Variants in RAB6A observed in about 807,000 individuals in gnomAD.
RAB6A encodes the protein RAB6A, member RAS oncogene family, also known as ras-related protein Rab-6A.
Under a neutral mutation model 32.3 loss-of-function variants are expected in RAB6A, and 8 were observed. The observed-to-expected ratio is 0.25, with a 90% CI of 0.15 to 0.45. RAB6A has a LOEUF of 0.45. RAB6A is among the 20% of genes least tolerant of loss of function. The pLI, the probability that RAB6A is intolerant of heterozygous loss-of-function variation, is 1.00. For synonymous variants in RAB6A, 73 were observed against 82.1 expected (o/e 0.89, Z 0.60); for missense variants, 104 against 249.4 (o/e 0.42, Z 3.93).
At chr11:73,728,704 G>A (rs1051446274) in intron 2 of RAB6A, among the ~76,000 whole-genome samples, 2 of 150,448 alleles carry the variant, frequency 1.3e-5, no homozygotes, top group African/African-American at 4.9e-5. Flanking sequence ...ATTCAGTTTG[G>A]TTGTATTTTA....
intron 1 of RAB6A, among the ~76,000 whole-genome samples, chr11:73,755,862 GGAA>G (rs1000577020): frequency 4.6e-5 from 5 of 109,156 alleles, no homozygotes; most frequent in South Asian, 2.8e-4. Flanking sequence ...AGGAGGAGGA[GGAA>G]GAAGAACAAG....
At chr11:73,730,735 A>G in intron 2 of RAB6A, 30 bp downstream of exon 2, 1 of 1,539,122 alleles carries the variant, frequency 6.5e-7, no homozygotes. Context: ...CAAAAAATAG[A>G]CAACAAATAA....
chr11:73,714,209 A>AAAAAATATATAT lies in RAB6A; in HGVS notation c.401+2041_401+2042insATATATATTTTT, dbSNP rs35864471. Among the ~76,000 whole-genome samples, 5 of 57,570 alleles carry AAAAAATATATAT rather than the reference A, an allele frequency of 8.7e-5. No homozygotes were observed. In the South Asian group the frequency reaches 3.2e-3, roughly 37 times the overall value. 37.8% of individuals were successfully genotyped at this position (57,570 alleles called of 152,430 possible). ...CTCCATCTCAAAAAAAAAAAAAAAA[A>AAAAAATATATAT]ATATATATATATATATATATACACA... On this transcript the variant is annotated intron_variant, in intron 5 of 7. Coordinates refer to ENST00000336083, the MANE Select transcript of RAB6A (RefSeq NM_198896.2).
intron 1 of RAB6A, among the ~76,000 whole-genome samples, chr11:73,744,704 C>T (rs573831628): frequency 1.2e-4 from 19 of 152,218 alleles, no homozygotes; most frequent in Non-Finnish European, 2.1e-4. Context: ...GGGCTGGGCG[C>T]GGTGGCTTAC....
intron 1 of RAB6A, among the ~76,000 whole-genome samples, chr11:73,741,477 C>T (rs760184499): frequency 1.3e-5 from 2 of 151,914 alleles, no homozygotes; most frequent in Non-Finnish European, 2.9e-5. Context: ...GACCATGCTC[C>T]TTGGTATTTA....
At chr11:73,728,250 G>A (rs993163631) in intron 2 of RAB6A, among the ~76,000 whole-genome samples, 6 of 152,120 alleles carry the variant, frequency 3.9e-5, no homozygotes, top group Non-Finnish European at 7.3e-5. Context: ...CTTAGAAAGC[G>A]TTCAGCCTTT....
chr11:73,689,337 T>C lies in RAB6A; in HGVS notation c.496-9617A>G, dbSNP rs193044745. On this transcript the variant is annotated intron_variant, in intron 6 of 7. Transcript: ENST00000336083. ...GAGTGTGCAACCTAGATCCCTCCAATGTGCAGTTCACAATAGTGTTCATGC... is the reference window on the plus strand; with the variant it reads ...GAGTGTGCAACCTAGATCCCTCCAACGTGCAGTTCACAATAGTGTTCATGC... Among the ~76,000 whole-genome samples, 3 of 152,264 alleles carry C rather than the reference T, an allele frequency of 2.0e-5. No individual in the cohort carries two copies. The East Asian group carries it at 5.8e-4, about 29-fold the overall frequency.
intron 1 of RAB6A, among the ~76,000 whole-genome samples, chr11:73,746,439 G>A (rs759485834): frequency 6.6e-6 from 1 of 151,912 alleles, no homozygotes; most frequent in Non-Finnish European, 1.5e-5. Context: ...GAGCCCAGGG[G>A]TTCAAAGTCA....
At position 73,751,102 on chromosome 11, in the gene RAB6A, C is replaced by T. The variant is rs189441755; in HGVS notation, c.70+9464G>A. Among the ~76,000 whole-genome samples, 38 of 152,194 alleles carry T rather than the reference C, an allele frequency of 2.5e-4. 1 individual carries two copies. The highest frequency in any genetic ancestry group is 8.4e-4 in the African/African-American group (35 of 41,530). On this transcript the variant is annotated intron_variant, in intron 1 of 7. Coordinates refer to ENST00000336083, the MANE Select transcript of RAB6A (RefSeq NM_198896.2). ...TTACAGGTGTGAGTCACCATGCCCC[C>T]CGGCCAAAGTGTACTTTTAAAAAAG...
At chr11:73,705,705 A>C (rs1194569926) in intron 6 of RAB6A, among the ~76,000 whole-genome samples, 1 of 151,348 alleles carries the variant, frequency 6.6e-6, no homozygotes, top group Non-Finnish European at 1.5e-5. Context: ...CTATGGGTTC[A>C]GTTACGTATC....
Position 73,716,231 on chromosome 11 carries a change from C to G in RAB6A, c.401+20G>C. 1.3e-6 allele frequency: 2 copies of G among 1,528,334 alleles called. No homozygotes were observed. The highest frequency in any genetic ancestry group is 1.8e-6 in the Non-Finnish European group (2 of 1,104,940). 94.7% of individuals were successfully genotyped at this position (1,528,334 alleles called of 1,614,324 possible). On this transcript the variant is annotated intron_variant, in intron 5 of 7. Transcript: ENST00000336083. ...CATCACAGAAATCAAACATTACACA[C>G]ATATAAAATAACTCCATACCTCTTG...
At chr11:73,690,555 C>CT (rs60543922) in intron 6 of RAB6A, among the ~76,000 whole-genome samples, 43,410 of 147,408 alleles carry the variant, frequency 0.29, 6,594 homozygotes, top group South Asian at 0.49. Flanking sequence ...CCAGCTAATT[C>CT]TTTTTTTTTT....
At chr11:73,715,595 T>C (rs1415778234) in intron 5 of RAB6A, among the ~76,000 whole-genome samples, 1 of 152,216 alleles carries the variant, frequency 6.6e-6, no homozygotes, top group Non-Finnish European at 1.5e-5. Context: ...CTCTTACTAT[T>C]AAGTAGTATG....
intron 1 of RAB6A, among the ~76,000 whole-genome samples, chr11:73,745,906 A>G (rs1946581805): frequency 6.6e-6 from 1 of 152,102 alleles, no homozygotes; most frequent in South Asian, 2.1e-4. Context: ...AGGCTGAGGC[A>G]CAAGAATCGC....
intron 2 of RAB6A, among the ~76,000 whole-genome samples, chr11:73,721,212 G>A (rs1565364254): frequency 6.6e-6 from 1 of 152,026 alleles, no homozygotes; most frequent in Admixed American, 6.6e-5. Context: ...TGGCAACTTT[G>A]GTTTAAATAT....
intron 6 of RAB6A, among the ~76,000 whole-genome samples, chr11:73,691,502 T>C (rs962070193): frequency 1.3e-5 from 2 of 152,218 alleles, no homozygotes; most frequent in Non-Finnish European, 2.9e-5. Context: ...TTTACTGCAC[T>C]GATTGTAATA....
At chr11:73,738,374 G>A (rs1946434563) in intron 1 of RAB6A, among the ~76,000 whole-genome samples, 1 of 152,080 alleles carries the variant, frequency 6.6e-6, no homozygotes. Context: ...AAATGGTCAG[G>A]GACAGTGGCT....
intron 3 of RAB6A, chr11:73,718,960 G>GT: frequency 7.2e-7 from 1 of 1,388,420 alleles, no homozygotes; most frequent in Admixed American, 2.3e-5. Context: ...AAGAAACAAT[G>GT]TTTTTTGTAA....
intron 1 of RAB6A, among the ~76,000 whole-genome samples, chr11:73,758,687 G>A (rs1723843): frequency 0.52 from 78,659 of 152,086 alleles, 21,703 homozygotes; most frequent in African/African-American, 0.72. Flanking sequence ...ACCTTTTTAG[G>A]CAGGAAGATG....
Sources: allele counts gnomAD v4.1 joint callset (sites outside exome capture counted in the v4.1 genomes callset), GRCh38; gene constraint gnomAD v4.1.1; transcripts MANE v1.5; gene names NCBI Gene and HGNC (gene_info 2026-07-23, HGNC 2026-07-21).